SHQ1: variants seen among roughly 807,000 people sequenced by gnomAD.
SHQ1 encodes the protein protein SHQ1 homolog.
SHQ1 carries 49 observed loss-of-function variants against 53.8 expected under a neutral mutation model. The observed-to-expected ratio is 0.91, with a 90% CI of 0.72 to 1.16. SHQ1 has a LOEUF of 1.16. Among genes scored for constraint, SHQ1 ranks in the 50% most tolerant of loss-of-function variants. SHQ1 has a pLI of 0.00. For missense variants in SHQ1, 738 were observed against 683.1 expected (o/e 1.08, Z -0.90); for synonymous variants, 243 against 251.0 (o/e 0.97, Z 0.30).
At chr3:72,745,742 T>C (rs1005088692), downstream of SHQ1, among the ~76,000 whole-genome samples, 9 of 152,156 alleles carry the variant, frequency 5.9e-5, no homozygotes, top group Non-Finnish European at 1.3e-4. Flanking sequence ...GCTTTGAACA[T>C]ACAGTCTCCT....
At chr3:72,758,085 G>C (rs928367882) in intron 10 of SHQ1, among the ~76,000 whole-genome samples, 1 of 152,146 alleles carries the variant, frequency 6.6e-6, no homozygotes, top group African/African-American at 2.4e-5. Flanking sequence ...CATGTATGTA[G>C]CCTGATCTAA....
intron 9 of SHQ1, among the ~76,000 whole-genome samples, chr3:72,804,833 A>G (rs1246775637): frequency 6.6e-6 from 1 of 152,224 alleles, no homozygotes; most frequent in Non-Finnish European, 1.5e-5. Context: ...CCCCAGGCTG[A>G]GTGACAGAGT....
rs560694941 is a variant in SHQ1, at chr3:72,830,785, G to T, written c.599+1584C>A. Reference sequence around the variant, plus strand: ...AAGTGGAAAGAATATTTCATGCATAGTATTAAAGAAAATGAGCTTCTGGAT... The same window carrying T: ...AAGTGGAAAGAATATTTCATGCATATTATTAAAGAAAATGAGCTTCTGGAT... On this transcript the variant is annotated intron_variant, in intron 5 of 10. Transcript: ENST00000325599. Among the ~76,000 whole-genome samples the T allele has an allele frequency of 9.9e-5, 15 of 152,208 alleles. No individual in the cohort carries two copies. In the East Asian group the frequency reaches 2.1e-3, roughly 22 times the overall value.
At chr3:72,798,731 C>G (rs1245087612) in intron 9 of SHQ1, among the ~76,000 whole-genome samples, 2 of 152,228 alleles carry the variant, frequency 1.3e-5, no homozygotes, top group Admixed American at 1.3e-4. Flanking sequence ...GACAGACCAG[C>G]TCATGGCTGG....
chr3:72,792,985 T>C lies in SHQ1; in HGVS notation c.1112A>G (p.Glu371Gly). ...CLLDIHKIFQ[E>G]NDPAYILNDL... ...ATTCAGTATGTACGCTGGGTCATTT[T>C]CCTGAAAAATTTTGTGAATATCCAG... is the stretch of plus-strand genomic sequence containing the variant. Residue 371 changes from glutamate to glycine, a missense_variant, in exon 10 of 11, where the codon GAA (glutamate) becomes GGA (glycine). Glu to Gly is a moderately conservative substitution (Grantham distance 98). Coordinates refer to ENST00000325599, the MANE Select transcript of SHQ1 (RefSeq NM_018130.3). 1 of 1,612,520 alleles carries C rather than the reference T, an allele frequency of 6.2e-7. No homozygotes were observed. The highest frequency in any genetic ancestry group is 8.5e-7 in the Non-Finnish European group (1 of 1,179,362).
chr3:72,751,285 A>G (rs1011377287), intron 10 of SHQ1, among the ~76,000 whole-genome samples: 5 of 151,754 alleles, frequency 3.3e-5, no homozygotes, highest in Non-Finnish European at 7.4e-5. Flanking sequence ...AGTGGCAGGC[A>G]CCTGTAATCC....
In SHQ1 at chr3:72,841,080, CA is replaced by C; in HGVS notation, c.450del (p.Phe150LeufsTer16). On this transcript the variant is annotated frameshift_variant, in exon 4 of 11. Transcript: ENST00000325599. LOFTEE classifies it high-confidence loss of function. ...SALNPQCHYG[F>X]GNLRSGVLQR... Reference sequence around the variant, plus strand: ...TGCAACACTCCTGATCGTAAGTTTCCAAATCCATAGTGGCACTGCGGATTCA... The same window carrying C: ...TGCAACACTCCTGATCGTAAGTTTCCAATCCATAGTGGCACTGCGGATTCA... 6.2e-7 allele frequency: 1 copy of C among 1,613,690 alleles called. No homozygotes were observed. Among genetic ancestry groups the C allele is most frequent in the South Asian group, 1.1e-5 (1 of 90,992 alleles).
intron 10 of SHQ1, among the ~76,000 whole-genome samples, chr3:72,790,527 T>A (rs2106788208): frequency 6.6e-6 from 1 of 152,156 alleles, no homozygotes; most frequent in South Asian, 2.1e-4. Context: ...ATAAACTATA[T>A]GTAGAAGAAA....
intron 10 of SHQ1, among the ~76,000 whole-genome samples, chr3:72,758,856 C>T (rs1298922269): frequency 3.3e-5 from 5 of 152,092 alleles, no homozygotes; most frequent in African/African-American, 4.8e-5. Context: ...CGTGAGCCAC[C>T]GCACCTGGCC....
chr3:72,801,376 AT>A (rs1351661715), intron 9 of SHQ1, among the ~76,000 whole-genome samples: 1 of 152,092 alleles, frequency 6.6e-6, no homozygotes, highest in South Asian at 2.1e-4. Context: ...ATTACACTTC[AT>A]TTTTTTCCAA....
the SHQ1 span, among the ~76,000 whole-genome samples, chr3:72,743,825 C>A: frequency 6.6e-6 from 1 of 152,250 alleles, no homozygotes; most frequent in East Asian, 1.9e-4. Flanking sequence ...CCACAGGGAG[C>A]AATAAATACT....
chr3:72,746,095 G>A (rs748184615), downstream of SHQ1, among the ~76,000 whole-genome samples: 57 of 152,152 alleles, frequency 3.7e-4, no homozygotes, highest in African/African-American at 1.2e-3. Flanking sequence ...TGTCTGCCTC[G>A]GCCTCCCAAA....
intron 1 of SHQ1, chr3:72,846,302 T>C: frequency 1.4e-6 from 2 of 1,471,068 alleles, no homozygotes; most frequent in South Asian, 2.5e-5. Flanking sequence ...TATGTTCTTT[T>C]TTTTTTTTTT....
chr3:72,817,990 T>A (rs962043064), intron 6 of SHQ1, among the ~76,000 whole-genome samples: 9 of 151,958 alleles, frequency 5.9e-5, no homozygotes, highest in African/African-American at 1.9e-4. Context: ...TTTCTTCTTC[T>A]GCTTGGCACC....
intron 4 of SHQ1, among the ~76,000 whole-genome samples, chr3:72,836,424 G>A (rs1027329243): frequency 1.3e-5 from 2 of 152,046 alleles, no homozygotes; most frequent in Non-Finnish European, 2.9e-5. Flanking sequence ...GGGAGGCGGA[G>A]CTTGCAGTGA....
chr3:72,727,598 T>A, the SHQ1 span, among the ~76,000 whole-genome samples: 1 of 152,164 alleles, frequency 6.6e-6, no homozygotes, highest in Non-Finnish European at 1.5e-5. Context: ...CAGAATGCGT[T>A]TTTGTTTTGT....
intron 10 of SHQ1, among the ~76,000 whole-genome samples, chr3:72,762,054 TG>T (rs1170389502): frequency 6.6e-6 from 1 of 152,166 alleles, no homozygotes; most frequent in East Asian, 1.9e-4. Flanking sequence ...CACATAAACA[TG>T]TACATACATA....
At chr3:72,764,867 C>G (rs1237107096) in intron 10 of SHQ1, among the ~76,000 whole-genome samples, 2 of 152,210 alleles carry the variant, frequency 1.3e-5, no homozygotes, top group Admixed American at 1.3e-4. Flanking sequence ...ATTCTTGGAT[C>G]TGATCAAACA....
chr3:72,761,480 A>C (rs1164910513), intron 10 of SHQ1, among the ~76,000 whole-genome samples: 3 of 152,202 alleles, frequency 2.0e-5, no homozygotes, highest in Non-Finnish European at 2.9e-5. Context: ...CCAAGGAATA[A>C]AATTTTTAGA....
Sources: allele counts gnomAD v4.1 joint callset (sites outside exome capture counted in the v4.1 genomes callset), GRCh38; gene constraint gnomAD v4.1.1; transcripts MANE v1.5; gene names NCBI Gene and HGNC (gene_info 2026-07-23, HGNC 2026-07-21).